Variants in ADAMTS18 observed in about 807,000 individuals in gnomAD.
The protein encoded by ADAMTS18 is ADAM metallopeptidase with thrombospondin type 1 motif 18, also known as A disintegrin and metalloproteinase with thrombospondin motifs 18.
Under a neutral mutation model 165.9 loss-of-function variants are expected in ADAMTS18, and 157 were observed. The observed-to-expected ratio is 0.95, with a 90% CI of 0.83 to 1.08. The LOEUF (loss-of-function observed/expected upper bound fraction) is 1.08. Ranked by LOEUF, ADAMTS18 falls within the 50% of genes least tolerant of loss-of-function variation. ADAMTS18 has a pLI of 0.00. For synonymous variants in ADAMTS18, 782 were observed against 578.2 expected, an observed-to-expected ratio of 1.35 and a Z score of -5.06; for missense variants, 2,040 against 1,534.0, an observed-to-expected ratio of 1.33 and a Z score of -5.51.
chr16:77,317,256 T>C (rs1424987174), intron 16 of ADAMTS18, among the ~76,000 whole-genome samples: 1 of 152,234 alleles, frequency 6.6e-6, no homozygotes, highest in African/African-American at 2.4e-5. Flanking sequence ...TTTCTGTTTA[T>C]CCACTACTCT....
At chr16:77,381,117 G>A (rs895898222) in intron 3 of ADAMTS18, among the ~76,000 whole-genome samples, 15 of 152,152 alleles carry the variant, frequency 9.9e-5, no homozygotes, top group South Asian at 4.2e-4. Flanking sequence ...CAGGTAATCC[G>A]CCTGCCTTGG....
chr16:77,402,065 T>A (rs1318230551), intron 3 of ADAMTS18, among the ~76,000 whole-genome samples: 1 of 152,212 alleles, frequency 6.6e-6, no homozygotes, highest in African/African-American at 2.4e-5. Context: ...GCTTCCATAG[T>A]GGCACGAGCC....
intron 11 of ADAMTS18, among the ~76,000 whole-genome samples, chr16:77,336,617 G>A (rs1267069058): frequency 6.6e-6 from 1 of 152,152 alleles, no homozygotes. Flanking sequence ...AATTAGCCCA[G>A]GGTCTTTCAT....
rs1314174906 is a variant in ADAMTS18 at position 77,282,199 on chromosome 16, C to T, written c.*1757G>A. The T allele has an allele frequency of 6.6e-6, 1 of 151,982 alleles. No individual in the cohort carries two copies. Among genetic ancestry groups the T allele is most frequent in the East Asian group, 1.9e-4 (1 of 5,200 alleles). The allele number at this position is 151,982 out of a possible 1,614,324, so 9.4% of individuals were successfully genotyped here. A position where few individuals can be genotyped will look rare whatever the true frequency, so the allele number is the denominator to read the frequency against. Reference sequence around the variant, plus strand: ...ATTAAATATTACACATATATTTTGACTTTTCTCTATAATCCATGGTTTTAT... The same window carrying T: ...ATTAAATATTACACATATATTTTGATTTTTCTCTATAATCCATGGTTTTAT... On this transcript the variant is annotated 3_prime_UTR_variant, in exon 23 of 23. Transcript: ENST00000282849.
chr16:77,321,541 T>C (rs1054166003), intron 14 of ADAMTS18, among the ~76,000 whole-genome samples: 2 of 152,184 alleles, frequency 1.3e-5, no homozygotes, highest in Non-Finnish European at 2.9e-5. Flanking sequence ...CATGCATGCA[T>C]GTGTACAAAC....
intron 18 of ADAMTS18, among the ~76,000 whole-genome samples, chr16:77,296,649 G>A (rs148744202): frequency 0.017 from 2,629 of 152,158 alleles, 28 homozygotes; most frequent in Middle Eastern, 0.058. Context: ...GCAAAACCCC[G>A]TCTCTACTAA....
intron 3 of ADAMTS18, among the ~76,000 whole-genome samples, chr16:77,392,187 G>A (rs1341750303): frequency 6.6e-6 from 1 of 152,164 alleles, no homozygotes; most frequent in African/African-American, 2.4e-5. Flanking sequence ...CCAAACCCTT[G>A]GCTGGCTCCT....
At chr16:77,422,953 C>A (rs777466503) in intron 3 of ADAMTS18, among the ~76,000 whole-genome samples, 3 of 152,214 alleles carry the variant, frequency 2.0e-5, no homozygotes, top group African/African-American at 4.8e-5. Context: ...CTCGTTTCCA[C>A]TGAAGGTCCT....
intron 3 of ADAMTS18, among the ~76,000 whole-genome samples, chr16:77,425,327 G>A (rs2057657732): frequency 6.6e-6 from 1 of 152,176 alleles, no homozygotes; most frequent in Admixed American, 6.5e-5. Flanking sequence ...AATTGAGGCT[G>A]GAGGGAGTTC....
At chr16:77,319,815 A>G in intron 16 of ADAMTS18, 34 bp downstream of exon 16, 1 of 1,613,756 alleles carries the variant, frequency 6.2e-7, no homozygotes, top group Non-Finnish European at 8.5e-7. Context: ...TGTAGCAAGA[A>G]GCACTGAGAA....
chr16:77,359,410 G>A lies in ADAMTS18; in HGVS notation c.1230C>T (p.Ile410=), dbSNP rs1365717287. ...EPCDTLGFAP[I]SGMCSKYRSC... ...TTCGGTACTTAGAGCACATTCCACT[G>A]ATGGGGGCAAACCCTATTGAAAGAG... Residue 410 remains isoleucine (I), a synonymous_variant, in exon 8 of 23, where the codon ATC becomes ATT. Coordinates refer to ENST00000282849, the MANE Select transcript of ADAMTS18 (RefSeq NM_199355.4). The A allele has an allele frequency of 1.2e-6, 2 of 1,613,816 alleles. No individual in the cohort carries two copies. Among genetic ancestry groups the A allele is most frequent in the Admixed American group, 1.7e-5 (1 of 59,988 alleles).
chr16:77,336,411 TAA>T (rs1443494292), intron 11 of ADAMTS18, among the ~76,000 whole-genome samples: 1 of 152,230 alleles, frequency 6.6e-6, no homozygotes, highest in Non-Finnish European at 1.5e-5. Context: ...TATCTTATCA[TAA>T]AATAGATACA....
At chr16:77,334,721 ACTAC>A (rs2056266273) in intron 12 of ADAMTS18, among the ~76,000 whole-genome samples, 1 of 46,472 alleles carries the variant, frequency 2.2e-5, no homozygotes, top group Non-Finnish European at 3.6e-5. Context: ...ACTATAGTAT[ACTAC>A]TATATACTAT....
intron 22 of ADAMTS18, among the ~76,000 whole-genome samples, chr16:77,284,856 A>G (rs1319417628): frequency 6.6e-6 from 1 of 152,104 alleles, no homozygotes; most frequent in African/African-American, 2.4e-5. Flanking sequence ...TCCACGAACT[A>G]TAATTTCAGG....
intron 13 of ADAMTS18, among the ~76,000 whole-genome samples, chr16:77,325,420 C>T (rs1218367658): frequency 1.3e-5 from 2 of 152,074 alleles, no homozygotes; most frequent in Non-Finnish European, 1.5e-5. Context: ...TGTGTGTCTG[C>T]GTGCATGCAC....
At chr16:77,403,318 C>T (rs2057354411) in intron 3 of ADAMTS18, among the ~76,000 whole-genome samples, 1 of 152,118 alleles carries the variant, frequency 6.6e-6, no homozygotes, top group African/African-American at 2.4e-5. Context: ...TAAGTCACCT[C>T]ATTTAATCCA....
At chr16:77,434,043 T>C (rs1321392494) in intron 2 of ADAMTS18, among the ~76,000 whole-genome samples, 2 of 152,052 alleles carry the variant, frequency 1.3e-5, no homozygotes, top group Non-Finnish European at 2.9e-5. Context: ...CATTCTTTCA[T>C]CTCCCACTAA....
At chr16:77,390,522 T>C (rs2057171289) in intron 3 of ADAMTS18, among the ~76,000 whole-genome samples, 1 of 152,004 alleles carries the variant, frequency 6.6e-6, no homozygotes, top group South Asian at 2.1e-4. Flanking sequence ...AAATGCCGTC[T>C]CTACTAAAAA....
rs138864746 is a variant in ADAMTS18 at position 77,425,770 on chromosome 16, C to T, written c.495+5525G>A. Among the ~76,000 whole-genome samples, 123 of 152,148 alleles carry T rather than the reference C, an allele frequency of 8.1e-4. 1 individual carries two copies. The highest frequency in any genetic ancestry group is 2.6e-3 in the African/African-American group (110 of 41,526). On this transcript the variant is annotated intron_variant, in intron 3 of 22. Transcript: ENST00000282849. ...AAAAAGAGGAGGAGTGGGCCGGGCA[C>T]GGTGGCTCACACCTGTAATTCTGGC...
Sources: allele counts gnomAD v4.1 joint callset (sites outside exome capture counted in the v4.1 genomes callset), GRCh38; gene constraint gnomAD v4.1.1; transcripts MANE v1.5; gene names NCBI Gene and HGNC (gene_info 2026-07-23, HGNC 2026-07-21).